The following SLC7A11 variants were observed in gnomAD, a reference collection of about 807,000 sequenced individuals.
SLC7A11 encodes solute carrier family 7 member 11, also known as cystine/glutamate transporter.
A neutral mutation model predicts 54.5 loss-of-function variants in SLC7A11; 35 were observed. The ratio of observed to expected loss-of-function variants is 0.64; its 90% confidence interval spans 0.49 to 0.85. SLC7A11 has a LOEUF of 0.85. Ranked by LOEUF, SLC7A11 falls within the 40% of genes least tolerant of loss-of-function variation. The pLI is 0.00. For synonymous variants in SLC7A11, 230 were observed against 225.2 expected, an observed-to-expected ratio of 1.02 and a Z score of -0.19; for missense variants, 583 against 618.1, an observed-to-expected ratio of 0.94 and a Z score of 0.60.
At chr4:138,202,173 C>T (rs1737302312) in intron 6 of SLC7A11, among the ~76,000 whole-genome samples, 1 of 151,996 alleles carries the variant, frequency 6.6e-6, no homozygotes, top group East Asian at 1.9e-4. Flanking sequence ...CTTCTGTGGG[C>T]ATATATAATA....
At chr4:138,232,545 T>G (rs41280521) in intron 2 of SLC7A11, among the ~76,000 whole-genome samples, 163 bp from the exon 3 acceptor site, 4 of 152,248 alleles carry the variant, frequency 2.6e-5, no homozygotes, top group African/African-American at 9.6e-5. Flanking sequence ...ACATTCCAAA[T>G]GAAGTACTTC....
rs528524074 is a variant in SLC7A11 at position 138,197,437 on chromosome 4, G to A, written c.792-12193C>T. 1.4e-3 allele frequency among the ~76,000 whole-genome samples: 208 copies of A among 152,136 alleles called. 3 individuals are homozygous for A. In the South Asian group the frequency reaches 0.04, roughly 29 times the overall value. ...ATTAATGTCATTGGTAGGTACTTGGGAAGTTACTTTAATTAGTTAACATTT... is the reference window on the plus strand; with the variant it reads ...ATTAATGTCATTGGTAGGTACTTGGAAAGTTACTTTAATTAGTTAACATTT... On this transcript the variant is annotated intron_variant, in intron 6 of 11. Transcript: ENST00000280612.
rs1269863132 is a variant in SLC7A11 at position 138,169,008 on chromosome 4, A to C, written c.*2948T>G. ...TTTAGCTTTAGAATCTTTTAAAATC[A>C]CAAGTATTTGAGAATCCATCCCCAC... On this transcript the variant is annotated 3_prime_UTR_variant, in exon 12 of 12. Coordinates refer to ENST00000280612, the MANE Select transcript of SLC7A11 (RefSeq NM_014331.4). The C allele has an allele frequency of 6.6e-6, 1 of 152,174 alleles. No homozygotes were observed. Among genetic ancestry groups the C allele is most frequent in the Non-Finnish European group, 1.5e-5 (1 of 68,036 alleles). 9.4% of individuals were successfully genotyped at this position (152,174 alleles called of 1,614,324 possible). A position where few individuals can be genotyped will look rare whatever the true frequency, so the allele number is the denominator to read the frequency against.
chr4:138,216,960 A>G (rs1406921692), intron 5 of SLC7A11, among the ~76,000 whole-genome samples: 1 of 152,214 alleles, frequency 6.6e-6, no homozygotes, highest in Non-Finnish European at 1.5e-5. Context: ...TGGCAAGTGA[A>G]TAAATGCCCC....
intron 9 of SLC7A11, among the ~76,000 whole-genome samples, chr4:138,181,516 C>G (rs1736741676): frequency 6.6e-6 from 1 of 152,030 alleles, no homozygotes; most frequent in Non-Finnish European, 1.5e-5. Context: ...CATCCAGATT[C>G]TGCACAGAGA....
Position 138,210,543 on chromosome 4 carries a change from A to G in SLC7A11, c.791+4042T>C, listed in dbSNP as rs201600980. The stretch of plus-strand genomic sequence containing the variant: ...AATCTATAAAGAACTTAAACAATTC[A>G]ACAAGCAAAAACCAAATAATCCTAT... On this transcript the variant is annotated intron_variant, in intron 6 of 11. Transcript: ENST00000280612. Among the ~76,000 whole-genome samples, 9 of 152,100 alleles carry G rather than the reference A, an allele frequency of 5.9e-5. No homozygotes were observed. The East Asian group carries it at 1.5e-3, about 26-fold the overall frequency.
chr4:138,225,262 G>A (rs1737921265), intron 3 of SLC7A11, among the ~76,000 whole-genome samples: 1 of 149,906 alleles, frequency 6.7e-6, no homozygotes, highest in Non-Finnish European at 1.5e-5. Context: ...AAAAGTAAAT[G>A]AAGCAATAAA....
At chr4:138,222,088 A>T (rs563263348) in intron 4 of SLC7A11, among the ~76,000 whole-genome samples, 1 of 152,346 alleles carries the variant, frequency 6.6e-6, no homozygotes, top group East Asian at 1.9e-4. Context: ...GCAAGCTCTA[A>T]CGGTCAAAAT....
At chr4:138,178,816 C>T (rs1295113533) in intron 11 of SLC7A11, among the ~76,000 whole-genome samples, 1 of 152,068 alleles carries the variant, frequency 6.6e-6, no homozygotes, top group Non-Finnish European at 1.5e-5. Flanking sequence ...ATTTGCAGGC[C>T]ACTGCCTAAC....
chr4:138,225,895 C>T (rs72939746), intron 3 of SLC7A11, among the ~76,000 whole-genome samples: 2,326 of 151,574 alleles, frequency 0.015, 60 homozygotes, highest in African/African-American at 0.052. Context: ...AGGATAAAAA[C>T]GAAAAGAGGC....
intron 6 of SLC7A11, among the ~76,000 whole-genome samples, chr4:138,197,328 T>C (rs1737162686): frequency 6.6e-6 from 1 of 152,142 alleles, no homozygotes; most frequent in Non-Finnish European, 1.5e-5. Context: ...TTAAGAAGTA[T>C]TCTGAAAAGT....
chr4:138,223,387 C>T, intron 3 of SLC7A11, 63 bp from the exon 4 acceptor site: 1 of 1,569,062 alleles, frequency 6.4e-7, no homozygotes, highest in Non-Finnish European at 8.7e-7. Flanking sequence ...CATTTTAGGT[C>T]CTTGTTACTC....
At chr4:138,206,792 G>A (rs962871740) in intron 6 of SLC7A11, among the ~76,000 whole-genome samples, 8 of 151,748 alleles carry the variant, frequency 5.3e-5, no homozygotes, top group Non-Finnish European at 8.8e-5. Flanking sequence ...CTATTAGTGC[G>A]AAATTTTTAG....
At chr4:138,207,011 AAC>A (rs1421867657) in intron 6 of SLC7A11, among the ~76,000 whole-genome samples, 1,654 of 150,862 alleles carry the variant, frequency 0.011, 38 homozygotes, top group East Asian at 0.025. Flanking sequence ...AAAAAAAAAA[AAC>A]CCCCAGAGGG....
chr4:138,239,405 A>G (rs1384356446), intron 1 of SLC7A11, among the ~76,000 whole-genome samples: 1 of 152,216 alleles, frequency 6.6e-6, no homozygotes, highest in Admixed American at 6.5e-5. Context: ...AAAAGTATAT[A>G]TATGTATTAA....
At chr4:138,189,547 C>A (rs1443135479) in intron 6 of SLC7A11, among the ~76,000 whole-genome samples, 7 of 151,954 alleles carry the variant, frequency 4.6e-5, no homozygotes, top group Admixed American at 4.6e-4. Flanking sequence ...AGGTACAAGG[C>A]CCCCAGGACC....
chr4:138,191,901 C>A (rs1237224957), intron 6 of SLC7A11, among the ~76,000 whole-genome samples: 2 of 151,806 alleles, frequency 1.3e-5, no homozygotes, highest in African/African-American at 4.8e-5. Flanking sequence ...TTCTAGTGTA[C>A]AAAAGCAAAA....
intron 5 of SLC7A11, among the ~76,000 whole-genome samples, chr4:138,216,211 T>C (rs1737677446): frequency 6.6e-6 from 1 of 152,216 alleles, no homozygotes; most frequent in Non-Finnish European, 1.5e-5. Flanking sequence ...AGCAATGCAT[T>C]CCAATACCCA....
intron 5 of SLC7A11, among the ~76,000 whole-genome samples, chr4:138,218,572 A>G (rs952672254): frequency 6.6e-6 from 1 of 152,244 alleles, no homozygotes; most frequent in Non-Finnish European, 1.5e-5. Flanking sequence ...GTACAAATAC[A>G]AAGTTTTAAT....
Sources: gnomAD v4.1 joint callset for allele counts (sites outside exome capture counted in the v4.1 genomes callset) on GRCh38, gnomAD v4.1.1 for gene constraint, MANE v1.5 for transcripts, NCBI Gene and HGNC (gene_info 2026-07-23, HGNC 2026-07-21) for gene names.